CDH8: variants seen among roughly 807,000 people sequenced by gnomAD.
CDH8 encodes cadherin 8.
Under a neutral mutation model 68.1 loss-of-function variants are expected in CDH8, and 17 were observed. That is an observed-to-expected ratio of 0.25 (90% CI 0.17 to 0.37). CDH8 has a LOEUF of 0.37. Ranked by LOEUF, CDH8 falls within the 10% of genes least tolerant of loss-of-function variation. The pLI is 1.00. For missense variants in CDH8, 763 were observed against 999.3 expected, an observed-to-expected ratio of 0.76 and a Z score of 3.19; for synonymous variants, 372 against 365.1, an observed-to-expected ratio of 1.02 and a Z score of -0.21.
intron 4 of CDH8, among the ~76,000 whole-genome samples, chr16:61,828,486 C>T (rs1365578855): frequency 6.6e-6 from 1 of 151,824 alleles, no homozygotes; most frequent in Non-Finnish European, 1.5e-5. Context: ...TTTCTGGTAA[C>T]AATAGTATCT....
In CDH8 at chr16:61,650,506, T is replaced by C. The variant is rs1963296293; in HGVS notation, c.*3102A>G. 1 of 152,160 alleles carries C rather than the reference T, an allele frequency of 6.6e-6. No individual in the cohort carries two copies. The highest frequency in any genetic ancestry group is 1.5e-5 in the Non-Finnish European group (1 of 68,038). The allele number at this position is 152,160 out of a possible 1,614,324, so 9.4% of individuals were successfully genotyped here. On this transcript the variant is annotated 3_prime_UTR_variant, in exon 12 of 12. Coordinates refer to ENST00000577390, the MANE Select transcript of CDH8 (RefSeq NM_001796.5). ...GCACATAGCTTTAAAAATATAGTCA[T>C]TTCAATAAAGTTTTTAAAATGTGTT...
At chr16:61,978,082 C>T (rs2150580923) in intron 2 of CDH8, among the ~76,000 whole-genome samples, 1 of 152,230 alleles carries the variant, frequency 6.6e-6, no homozygotes, top group African/African-American at 2.4e-5. Flanking sequence ...TTTGTAATAT[C>T]TTTCTCTTTT....
At chr16:62,001,513 G>A (rs771797895) in intron 2 of CDH8, among the ~76,000 whole-genome samples, 24 of 152,110 alleles carry the variant, frequency 1.6e-4, no homozygotes, top group Non-Finnish European at 2.9e-4. Context: ...AAATACACAA[G>A]CTATACATTC....
At chr16:61,971,261 CACGG>C (rs1250218067) in intron 2 of CDH8, among the ~76,000 whole-genome samples, 3 of 152,162 alleles carry the variant, frequency 2.0e-5, no homozygotes, top group Non-Finnish European at 4.4e-5. Flanking sequence ...GGTGTCTTCA[CACGG>C]ACGTGCATGA....
intron 2 of CDH8, among the ~76,000 whole-genome samples, chr16:61,959,906 TAC>T (rs1229819014): frequency 2.1e-5 from 3 of 144,116 alleles, no homozygotes; most frequent in African/African-American, 5.0e-5. Context: ...TAAATATATA[TAC>T]ACACACACAG....
At chr16:61,678,776 G>A (rs1477532817) in intron 10 of CDH8, among the ~76,000 whole-genome samples, 1 of 151,970 alleles carries the variant, frequency 6.6e-6, no homozygotes, top group Non-Finnish European at 1.5e-5. Flanking sequence ...AATAATTGTA[G>A]GAAGCCATAT....
At chr16:61,680,540 C>T (rs1246796021) in intron 10 of CDH8, among the ~76,000 whole-genome samples, 4 of 142,074 alleles carry the variant, frequency 2.8e-5, no homozygotes, top group South Asian at 2.1e-4. Context: ...TCATTATTTA[C>T]TCAGGGGGAC....
chr16:61,832,379 GATAC>G (rs1202302080), intron 4 of CDH8, among the ~76,000 whole-genome samples: 7 of 145,214 alleles, frequency 4.8e-5, no homozygotes, highest in South Asian at 2.1e-4. Context: ...TAGATAGATA[GATAC>G]ATAGAGAAAT....
intron 7 of CDH8, among the ~76,000 whole-genome samples, chr16:61,810,317 A>G (rs1244410457): frequency 6.6e-6 from 1 of 152,152 alleles, no homozygotes. Context: ...TTTGCCTCTA[A>G]TTGCTCCACT....
chr16:61,909,378 T>A (rs77020318), intron 2 of CDH8, among the ~76,000 whole-genome samples: 2,132 of 152,340 alleles, frequency 0.014, 12 homozygotes, highest in African/African-American at 0.015. Context: ...AAGCCCTCTA[T>A]GTGCATTATT....
intron 4 of CDH8, among the ~76,000 whole-genome samples, chr16:61,856,256 T>C (rs1241103330): frequency 6.6e-6 from 1 of 152,026 alleles, no homozygotes; most frequent in Admixed American, 6.6e-5. Flanking sequence ...ACAATACCAC[T>C]GGATATAGAA....
chr16:61,951,060 A>C (rs56739818), intron 2 of CDH8, among the ~76,000 whole-genome samples: 2,736 of 152,032 alleles, frequency 0.018, 85 homozygotes, highest in African/African-American at 0.062. Context: ...GTTAAAAAAA[A>C]CCTCCACATT....
At chr16:61,996,897 T>A (rs774259294) in intron 2 of CDH8, among the ~76,000 whole-genome samples, 8 of 152,150 alleles carry the variant, frequency 5.3e-5, no homozygotes, top group Non-Finnish European at 7.3e-5. Flanking sequence ...GGTCTACAAT[T>A]TAAACAGTCC....
At chr16:61,662,588 C>T (rs1963590510) in intron 10 of CDH8, among the ~76,000 whole-genome samples, 1 of 151,568 alleles carries the variant, frequency 6.6e-6, no homozygotes, top group Non-Finnish European at 1.5e-5. Context: ...CGATCAGTAT[C>T]AATTGCAATT....
At chr16:61,970,836 C>A (rs148313930) in intron 2 of CDH8, among the ~76,000 whole-genome samples, 2 of 152,170 alleles carry the variant, frequency 1.3e-5, no homozygotes, top group African/African-American at 4.8e-5. Context: ...ATGACTTGCA[C>A]GTATACATCC....
intron 7 of CDH8, among the ~76,000 whole-genome samples, chr16:61,807,442 A>G (rs1961817438): frequency 6.6e-6 from 1 of 152,044 alleles, no homozygotes; most frequent in Non-Finnish European, 1.5e-5. Context: ...TAACCTGCAC[A>G]ATGTGCACAT....
intron 8 of CDH8, among the ~76,000 whole-genome samples, chr16:61,781,320 A>G (rs1961046990): frequency 6.6e-6 from 1 of 152,348 alleles, no homozygotes; most frequent in African/African-American, 2.4e-5. Context: ...TATTTTAAAA[A>G]GGTGGCATGG....
chr16:61,975,255 G>A (rs1488077755), intron 2 of CDH8, among the ~76,000 whole-genome samples: 1 of 152,070 alleles, frequency 6.6e-6, no homozygotes, highest in Non-Finnish European at 1.5e-5. Context: ...GAAAAAAACC[G>A]AAAGAGAGAG....
intron 1 of CDH8, among the ~76,000 whole-genome samples, chr16:62,025,645 T>C (rs1902182283): frequency 6.6e-6 from 1 of 152,174 alleles, no homozygotes; most frequent in East Asian, 1.9e-4. Context: ...CTCTTAGATT[T>C]TGCCAAATTC....
Sources: allele counts gnomAD v4.1 joint callset (sites outside exome capture counted in the v4.1 genomes callset), GRCh38; gene constraint gnomAD v4.1.1; transcripts MANE v1.5; gene names NCBI Gene and HGNC (gene_info 2026-07-23, HGNC 2026-07-21).